HERC1: variants seen among roughly 807,000 people sequenced by gnomAD.
HERC1 encodes the protein HECT and RLD domain containing E3 ubiquitin protein ligase family member 1, also known as probable E3 ubiquitin-protein ligase HERC1.
In HERC1, 160 loss-of-function variants were observed where a neutral mutation model predicts 554.3. The ratio of observed to expected loss-of-function variants is 0.29; its 90% CI spans 0.25 to 0.33. The LOEUF (loss-of-function observed/expected upper bound fraction) is 0.33. Ranked by LOEUF, HERC1 falls within the 10% of genes least tolerant of loss-of-function variation. The probability of loss-of-function intolerance (pLI) is 1.00; values close to 1 mark genes in which losing one functional copy is unlikely to be tolerated. For synonymous variants in HERC1, 2,175 were observed against 2,131.7 expected (o/e 1.02, Z -0.56); for missense variants, 4,919 against 5,918.5 (o/e 0.83, Z 5.54).
chr15:63,740,549 T>C (rs900598462), intron 12 of HERC1, among the ~76,000 whole-genome samples: 11 of 152,234 alleles, frequency 7.2e-5, no homozygotes, highest in Non-Finnish European at 1.0e-4. Flanking sequence ...ATGCAATGCA[T>C]GAAGGTTCTA....
intron 12 of HERC1, among the ~76,000 whole-genome samples, chr15:63,742,275 A>T (rs982797142): frequency 7.2e-5 from 11 of 151,908 alleles, no homozygotes; most frequent in Non-Finnish European, 1.2e-4. Flanking sequence ...CCTTAATTTC[A>T]TTCTTTGATT....
chr15:63,764,914 C>T (rs560500914), intron 2 of HERC1, among the ~76,000 whole-genome samples: 2 of 152,252 alleles, frequency 1.3e-5, no homozygotes, highest in Admixed American at 6.5e-5. Flanking sequence ...AGGAGTTTAA[C>T]TGGTATATGA....
In HERC1 at chr15:63,660,090, G is replaced by A. The variant is rs73441955; in HGVS notation, c.9224-154C>T. On this transcript the variant is annotated intron_variant, in intron 46 of 77. Transcript: ENST00000443617. ...TCCCAACACTCTGGGAGGCCGAGGC[G>A]ACTGGATCACATGAGGTCAGGAATT... 5.2e-3 allele frequency among the ~76,000 whole-genome samples: 792 copies of A among 152,074 alleles called. 4 individuals carry two copies. The highest frequency in any genetic ancestry group is 0.018 in the African/African-American group (764 of 41,444).
In HERC1 at chr15:63,756,357, C is replaced by T; in HGVS notation, c.1533+80G>A. The stretch of plus-strand genomic sequence containing the variant: ...GTTGAAGGGGCAACTGCAGAAAGAA[C>T]ACATCAAAATCTGAACGACATTGTC... On this transcript the variant is annotated intron_variant, in intron 5 of 77. Coordinates refer to ENST00000443617, the MANE Select transcript of HERC1 (RefSeq NM_003922.4). This position sits in a 1 kb window ranked among gnomAD's most constrained non-coding sequence, Gnocchi z 5.0. 2 of 1,203,244 alleles carry T rather than the reference C, an allele frequency of 1.7e-6. No homozygotes were observed. Among genetic ancestry groups the T allele is most frequent in the Non-Finnish European group, 2.4e-6 (2 of 843,502 alleles). The allele number at this position is 1,203,244 out of a possible 1,614,324, so 74.5% of individuals were successfully genotyped here. A position where few individuals can be genotyped will look rare whatever the true frequency, so the allele number is the denominator to read the frequency against.
rs1190343600 is a variant in HERC1, at chr15:63,608,858, A to C, written c.*223T>G. ...AAGTGACCAAAAATATGGAGGGAAA[A>C]ACCTGACTGAGAGCACTTCGTTTTT... On this transcript the variant is annotated 3_prime_UTR_variant, in exon 78 of 78. Coordinates refer to ENST00000443617, the MANE Select transcript of HERC1 (RefSeq NM_003922.4). 1 of 403,512 alleles carries C rather than the reference A, an allele frequency of 2.5e-6. No homozygotes were observed. The highest frequency in any genetic ancestry group is 4.5e-5 in the East Asian group (1 of 22,128). The allele number at this position is 403,512 out of a possible 1,614,324, so 25.0% of individuals were successfully genotyped here.
Position 63,694,690 on chromosome 15 carries a change from C to CACAAAATATAGAACATAACTAGT in HERC1, c.5242+61_5242+83dup. On this transcript the variant is annotated intron_variant, in intron 28 of 77. Transcript: ENST00000443617. This position sits in a 1 kb window ranked among gnomAD's most constrained non-coding sequence, Gnocchi z 4.3. ...TATAAGTTTATCTACTAATGTTAAA[C>CACAAAATATAGAACATAACTAGT]ACAAAATATAGAACATAACTAGTAC... The CACAAAATATAGAACATAACTAGT allele has an allele frequency of 6.4e-7, 1 of 1,567,244 alleles. No homozygotes were observed. Among genetic ancestry groups the CACAAAATATAGAACATAACTAGT allele is most frequent in the Non-Finnish European group, 8.8e-7 (1 of 1,137,922 alleles).
At chr15:63,674,089 A>G (rs1182949338) in intron 38 of HERC1, among the ~76,000 whole-genome samples, 1 of 152,184 alleles carries the variant, frequency 6.6e-6, no homozygotes, top group Non-Finnish European at 1.5e-5. Flanking sequence ...ATTTTGTTTT[A>G]CAAAATGTAG....
Position 63,694,430 on chromosome 15 carries a change from T to C in HERC1, c.5362A>G (p.Thr1788Ala). The C allele has an allele frequency of 1.9e-6, 3 of 1,614,006 alleles. No individual in the cohort carries two copies. Among genetic ancestry groups the C allele is most frequent in the East Asian group, 4.5e-5 (2 of 44,886 alleles). The change falls in exon 29 of 78, where the codon ACA (threonine) becomes GCA (alanine). Residue 1788 changes from threonine to alanine, a missense_variant. Transcript: ENST00000443617. The surrounding 1 kb of genome is among the most constrained non-coding windows in gnomAD (Gnocchi z 4.3). The stretch of plus-strand genomic sequence containing the variant: ...AGGGGCTGTCCTAGCATGGTGTCTG[T>C]ACCACACAACTGTGACAATACGTTT... ...LLNVLSQLCG[T>A]DTMLGQPLQL...
chr15:63,801,123 C>A lies in HERC1; in HGVS notation c.-26-25474G>T, dbSNP rs187536919. 7.2e-5 allele frequency among the ~76,000 whole-genome samples: 11 copies of A among 152,284 alleles called. No homozygotes were observed. In the East Asian group the frequency reaches 2.1e-3, roughly 29 times the overall value. On this transcript the variant is annotated intron_variant, in intron 1 of 77. Transcript: ENST00000443617. ...AAGGCATAGAAACTCCATGCCCCTA[C>A]CCCCTGTATCTTGCCCTATGCATCT...
In HERC1 at chr15:63,788,407, A is replaced by G. The variant is rs993601147; in HGVS notation, c.-26-12758T>C. ...AAGAAACTATAATCACAACAAAATA[A>G]AGCCCTGATTGTTTTAAGGAAGAAT... On this transcript the variant is annotated intron_variant, in intron 1 of 77. Transcript: ENST00000443617. Among the ~76,000 whole-genome samples, 12 of 152,206 alleles carry G rather than the reference A, an allele frequency of 7.9e-5. No individual in the cohort carries two copies. In the East Asian group the frequency reaches 2.1e-3, roughly 27 times the overall value.
In HERC1 at chr15:63,623,664, A is replaced by C. The variant is rs1052441740; in HGVS notation, c.13611+61T>G. 47 of 1,515,484 alleles carry C rather than the reference A, an allele frequency of 3.1e-5. 1 individual carries two copies. The East Asian group carries it at 4.1e-4, about 13-fold the overall frequency. 93.9% of individuals were successfully genotyped at this position (1,515,484 alleles called of 1,614,324 possible). A position where few individuals can be genotyped will look rare whatever the true frequency, so the allele number is the denominator to read the frequency against. ...ACATGCCTGGCAGAGTGATCACTGGAAACAGCAAAATGGCCACTAGCAGAC... is the reference window on the plus strand; with the variant it reads ...ACATGCCTGGCAGAGTGATCACTGGCAACAGCAAAATGGCCACTAGCAGAC... On this transcript the variant is annotated intron_variant, in intron 73 of 77. Coordinates refer to ENST00000443617, the MANE Select transcript of HERC1 (RefSeq NM_003922.4).
chr15:63,705,957 G>A (rs2072979734), intron 25 of HERC1, among the ~76,000 whole-genome samples: 1 of 149,490 alleles, frequency 6.7e-6, no homozygotes, highest in South Asian at 2.1e-4. Flanking sequence ...TTGAGCACAG[G>A]AGGCCAAGGC....
chr15:63,666,593 G>C (rs1454036147), intron 40 of HERC1, 121 bp from the exon 41 acceptor site: 4 of 637,532 alleles, frequency 6.3e-6, no homozygotes, highest in African/African-American at 1.8e-5. Flanking sequence ...CCTCTACTCA[G>C]AATATGTGGC....
In HERC1 at chr15:63,680,920, C is replaced by T; in HGVS notation, c.6226-144G>A. The T allele has an allele frequency of 3.3e-6, 2 of 607,808 alleles. No individual in the cohort carries two copies. The highest frequency in any genetic ancestry group is 3.2e-5 in the Admixed American group (1 of 31,380). 37.7% of individuals were successfully genotyped at this position (607,808 alleles called of 1,614,324 possible). A position where few individuals can be genotyped will look rare whatever the true frequency, so the allele number is the denominator to read the frequency against. On this transcript the variant is annotated intron_variant, in intron 34 of 77. Transcript: ENST00000443617. The surrounding 1 kb of genome is among the most constrained non-coding windows in gnomAD (Gnocchi z 5.8). ...TTATTTTCAGCATAAATAAAAATAA[C>T]ACGAAAATAATCGCATCAATTTAGA...
Position 63,626,089 on chromosome 15 carries a change from C to G in HERC1, c.13171G>C (p.Glu4391Gln). Residue 4391 changes from glutamate to glutamine, a missense_variant, in exon 71 of 78, where the codon GAA (glutamate) becomes CAA (glutamine). Glu to Gln is a conservative substitution (Grantham distance 29). Coordinates refer to ENST00000443617, the MANE Select transcript of HERC1 (RefSeq NM_003922.4). Reference protein sequence around the residue: ...TVPPQYGALREVSIHTVRARL... With the variant: ...TVPPQYGALRQVSIHTVRARL... ...GCCCGCACCGTGTGAATGCTGACTT[C>G]TCTCAGCGCCCCATACTGGGGGGGC... is the stretch of plus-strand genomic sequence containing the variant. 6.2e-7 allele frequency: 1 copy of G among 1,613,754 alleles called. No homozygotes were observed. The highest frequency in any genetic ancestry group is 8.5e-7 in the Non-Finnish European group (1 of 1,179,762).
chr15:63,665,789 GC>G (rs2070599086), intron 42 of HERC1, 129 bp downstream of exon 42: 3 of 631,434 alleles, frequency 4.8e-6, no homozygotes, highest in Admixed American at 3.0e-5. Flanking sequence ...TAACTAAAAT[GC>G]CCATCTTTTC....
chr15:63,821,781 T>C (rs892309915), intron 1 of HERC1, among the ~76,000 whole-genome samples: 10 of 149,826 alleles, frequency 6.7e-5, no homozygotes, highest in African/African-American at 9.8e-5. Context: ...ACAGTTTTAC[T>C]CCACAGACAA....
chr15:63,776,578 C>A (rs1393558543), intron 1 of HERC1, among the ~76,000 whole-genome samples: 1 of 152,200 alleles, frequency 6.6e-6, no homozygotes, highest in Admixed American at 6.5e-5. Context: ...TAGAGGGTGA[C>A]AGCATGAACT....
Position 63,694,008 on chromosome 15 carries a change from T to C in HERC1, c.5630A>G (p.Lys1877Arg), listed in dbSNP as rs2072267670. The C allele has an allele frequency of 6.4e-7, 1 of 1,564,744 alleles. No individual in the cohort carries two copies. Among genetic ancestry groups the C allele is most frequent in the Admixed American group, 1.9e-5 (1 of 52,104 alleles). Residue 1877 changes from lysine (K) to arginine (R), a missense_variant, in exon 30 of 78, where the codon AAA becomes AGA. Transcript: ENST00000443617. This position sits in a 1 kb window ranked among gnomAD's most constrained non-coding sequence, Gnocchi z 4.3. ...GEQEDGEEEE[K>R]KVDSSGETEK... ...AGTTTCTCCACTGGAGTCAACTTTT[T>C]TTTCTTCTTCTTCACCGTCTTCTTG...
Sources: allele counts gnomAD v4.1 joint callset (sites outside exome capture counted in the v4.1 genomes callset), GRCh38; gene constraint gnomAD v4.1.1; non-coding constraint Gnocchi (gnomAD v3.1); transcripts MANE v1.5; gene names NCBI Gene and HGNC (gene_info 2026-07-23, HGNC 2026-07-21).